The following RBKS variants were observed in gnomAD, a reference collection of about 807,000 sequenced individuals.
RBKS encodes ribokinase.
In RBKS, 33 loss-of-function variants were observed where a neutral mutation model predicts 33.9. The ratio of observed to expected loss-of-function variants is 0.97; its 90% CI spans 0.74 to 1.30. The LOEUF (loss-of-function observed/expected upper bound fraction) is 1.30. Ranked by LOEUF, RBKS falls within the 50% of genes most tolerant of loss-of-function variation. RBKS has a pLI of 0.00. For missense variants in RBKS, 361 were observed against 392.6 expected (o/e 0.92, Z 0.68); for synonymous variants, 125 against 143.0 (o/e 0.87, Z 0.90).
At chr2:27,788,324 A>T (rs897828269) in intron 7 of RBKS, among the ~76,000 whole-genome samples, 23 of 152,240 alleles carry the variant, frequency 1.5e-4, no homozygotes, top group African/African-American at 5.3e-4. Context: ...TGACATAATG[A>T]CCTACGTAGA....
At chr2:27,878,802 T>C (rs1025598477) in intron 1 of RBKS, among the ~76,000 whole-genome samples, 1 of 152,224 alleles carries the variant, frequency 6.6e-6, no homozygotes, top group Admixed American at 6.5e-5. Context: ...CATTTTTTCA[T>C]GTGTCTTTTG....
rs202055511 is a variant in RBKS, at chr2:27,801,946, T to TG, written c.796-20159dup. ...CTCCTGTCTCAGTTTCCCGAGTAGC[T>TG]GGGGAAAAAAAAAAAAAATATATAT... On this transcript the variant is annotated intron_variant, in intron 7 of 7. Coordinates refer to ENST00000302188, the MANE Select transcript of RBKS (RefSeq NM_022128.3). Among the ~76,000 whole-genome samples, 9 of 59,668 alleles carry TG rather than the reference T, an allele frequency of 1.5e-4. No homozygotes were observed. The South Asian group carries it at 3.9e-3, about 26-fold the overall frequency. 39.1% of individuals were successfully genotyped at this position (59,668 alleles called of 152,430 possible). A position where few individuals can be genotyped will look rare whatever the true frequency, so the allele number is the denominator to read the frequency against.
At chr2:27,873,412 T>A (rs961478892) in intron 1 of RBKS, among the ~76,000 whole-genome samples, 1 of 152,156 alleles carries the variant, frequency 6.6e-6, no homozygotes, top group African/African-American at 2.4e-5. Context: ...TTCAAATGGC[T>A]TAAAAGAAAC....
intron 1 of RBKS, among the ~76,000 whole-genome samples, chr2:27,878,036 T>A (rs1041390646): frequency 1.0e-4 from 15 of 144,556 alleles, no homozygotes; most frequent in East Asian, 5.9e-4. Context: ...TTATTTTTTT[T>A]AATTATTATT....
chr2:27,864,947 AGAAG>A (rs965435396), intron 1 of RBKS, among the ~76,000 whole-genome samples: 5 of 152,204 alleles, frequency 3.3e-5, no homozygotes, highest in African/African-American at 4.8e-5. Flanking sequence ...TACAACCTTC[AGAAG>A]GAAAACAAAT....
intron 4 of RBKS, 86 bp downstream of exon 4, chr2:27,846,956 G>A (rs1201489503): frequency 2.3e-5 from 21 of 927,450 alleles, no homozygotes; most frequent in Non-Finnish European, 1.2e-5. Flanking sequence ...GAGGTCCATA[G>A]GATTATGGTA....
chr2:27,839,189 G>A (rs940263144), intron 5 of RBKS, among the ~76,000 whole-genome samples: 4 of 152,226 alleles, frequency 2.6e-5, no homozygotes, highest in African/African-American at 7.2e-5. Context: ...ATGTCATTGT[G>A]AAAGTCTGGA....
At chr2:27,855,188 A>T (rs1220137257) in intron 2 of RBKS, among the ~76,000 whole-genome samples, 2 of 152,188 alleles carry the variant, frequency 1.3e-5, no homozygotes, top group African/African-American at 4.8e-5. Flanking sequence ...ACAAAACTTC[A>T]TGCTTGATGG....
At chr2:27,807,848 A>T (rs1355919235) in intron 7 of RBKS, among the ~76,000 whole-genome samples, 1 of 152,242 alleles carries the variant, frequency 6.6e-6, no homozygotes, top group Non-Finnish European at 1.5e-5. Flanking sequence ...AGGAAAAAAA[A>T]TGAACTACAT....
chr2:27,815,273 T>C (rs773307593), intron 7 of RBKS, among the ~76,000 whole-genome samples: 6 of 152,008 alleles, frequency 3.9e-5, no homozygotes, highest in South Asian at 2.1e-4. Context: ...AGTGGCATGA[T>C]CTCAGCTCAC....
In RBKS at chr2:27,857,800, T is replaced by C. The variant is rs142448346; in HGVS notation, c.222+639A>G. ...CTACTTCCCAGAGGATTCAATGAGG[T>C]AGAAATTAGTATAAAGGACAAGGGA... On this transcript the variant is annotated intron_variant, in intron 2 of 7. Transcript: ENST00000302188. Among the ~76,000 whole-genome samples the C allele has an allele frequency of 5.1e-4, 77 of 152,280 alleles. 1 individual carries two copies. The highest frequency in any genetic ancestry group is 1.7e-3 in the African/African-American group (72 of 41,566).
chr2:27,876,251 A>G (rs892161194), intron 1 of RBKS, among the ~76,000 whole-genome samples: 2 of 152,228 alleles, frequency 1.3e-5, no homozygotes, highest in Non-Finnish European at 2.9e-5. Flanking sequence ...CCACTGATAG[A>G]TGAATAAACA....
chr2:27,786,778 C>CA (rs1158881753), intron 7 of RBKS, among the ~76,000 whole-genome samples: 1,101 of 68,710 alleles, frequency 0.016, 14 homozygotes, highest in Middle Eastern at 0.05. Context: ...GAGACTGTCT[C>CA]AAAAAAAAAA....
chr2:27,798,199 T>C (rs13394393), intron 7 of RBKS, among the ~76,000 whole-genome samples: 1 of 152,106 alleles, frequency 6.6e-6, no homozygotes, highest in African/African-American at 2.4e-5. Context: ...TTGGGGGGTA[T>C]GTAGCCATAC....
In RBKS at chr2:27,848,084, GA is replaced by G. The variant is rs1267699244; in HGVS notation, c.235del (p.Ser79LeufsTer7). 11 of 1,500,762 alleles carry G rather than the reference GA, an allele frequency of 7.3e-6. No individual in the cohort carries two copies. In the Admixed American group the frequency reaches 8.8e-5, roughly 12 times the overall value. The allele number at this position is 1,500,762 out of a possible 1,614,324, so 93.0% of individuals were successfully genotyped here. ...TSMVCKVGKD[S>X]FGNDYIENLK... ...GTTTTCTATATAATCATTGCCAAAA[GA>G]ATCTTTGCCAACCTGTACCAAAGAA... On this transcript the variant is annotated frameshift_variant, in exon 3 of 8. Coordinates refer to ENST00000302188, the MANE Select transcript of RBKS (RefSeq NM_022128.3). LOFTEE classifies it high-confidence loss of function.
intron 7 of RBKS, chr2:27,782,704 G>C (rs895323487): frequency 1.1e-4 from 45 of 405,432 alleles, no homozygotes; most frequent in African/African-American, 8.6e-4. Context: ...GGTAGTCTTT[G>C]CCAAGTTTCT....
At chr2:27,881,031 T>C (rs1664406142) in intron 1 of RBKS, among the ~76,000 whole-genome samples, 1 of 151,692 alleles carries the variant, frequency 6.6e-6, no homozygotes, top group Non-Finnish European at 1.5e-5. Flanking sequence ...CTGAGCAACA[T>C]GGCAAAACCC....
At chr2:27,884,208 A>C (rs2148233628) in intron 1 of RBKS, among the ~76,000 whole-genome samples, 1 of 152,282 alleles carries the variant, frequency 6.6e-6, no homozygotes, top group South Asian at 2.1e-4. Flanking sequence ...GTACTCTATT[A>C]TGTCAAACAA....
intron 7 of RBKS, among the ~76,000 whole-genome samples, chr2:27,822,730 A>G (rs1056083245): frequency 6.7e-6 from 1 of 149,440 alleles, no homozygotes; most frequent in Non-Finnish European, 1.5e-5. Context: ...ACACTATAGG[A>G]CTCAAATGTG....
Sources: gnomAD v4.1 joint callset for allele counts (sites outside exome capture counted in the v4.1 genomes callset) on GRCh38, gnomAD v4.1.1 for gene constraint, MANE v1.5 for transcripts, NCBI Gene and HGNC (gene_info 2026-07-23, HGNC 2026-07-21) for gene names.